The following CDC14A variants were observed in gnomAD, a reference collection of about 807,000 sequenced individuals.
CDC14A encodes cell division cycle 14A.
CDC14A carries 53 observed loss-of-function variants against 74.4 expected under a neutral mutation model. The ratio of observed to expected loss-of-function variants is 0.71; its 90% CI spans 0.57 to 0.89. The LOEUF is 0.89. Among genes scored for constraint, CDC14A ranks in the 40% least tolerant of loss-of-function variants. The probability of loss-of-function intolerance (pLI) is 0.00; values close to 1 mark genes in which losing one functional copy is unlikely to be tolerated. For missense variants in CDC14A, 646 were observed against 713.7 expected, an observed-to-expected ratio of 0.91 and a Z score of 1.08; for synonymous variants, 247 against 258.4, an observed-to-expected ratio of 0.96 and a Z score of 0.43.
intron 10 of CDC14A, among the ~76,000 whole-genome samples, chr1:100,480,185 T>G (rs1669307714): frequency 6.6e-6 from 1 of 152,172 alleles, no homozygotes; most frequent in Non-Finnish European, 1.5e-5. Flanking sequence ...TGGAAACCTC[T>G]ATTCTACTTT....
intron 11 of CDC14A, among the ~76,000 whole-genome samples, chr1:100,493,673 G>A (rs1475522804): frequency 1.3e-5 from 2 of 152,184 alleles, no homozygotes; most frequent in Non-Finnish European, 2.9e-5. Flanking sequence ...CTTGGGCTGC[G>A]TCACTTGCAC....
At chr1:100,484,552 C>T (rs2101361067) in intron 11 of CDC14A, 101 bp downstream of exon 11, 1 of 1,352,406 alleles carries the variant, frequency 7.4e-7, no homozygotes, top group Non-Finnish European at 9.5e-7. Flanking sequence ...CTCTGGATGC[C>T]ACGAGTACCA....
chr1:100,384,089 G>C (rs1359691114), intron 3 of CDC14A, among the ~76,000 whole-genome samples: 2 of 152,110 alleles, frequency 1.3e-5, no homozygotes, highest in East Asian at 3.9e-4. Flanking sequence ...AGTTGCTGTG[G>C]CTTGTGTTTT....
chr1:100,501,733 A>G (rs1204053736), intron 15 of CDC14A, among the ~76,000 whole-genome samples: 1 of 152,228 alleles, frequency 6.6e-6, no homozygotes, highest in East Asian at 1.9e-4. Context: ...TTGTTGTTAT[A>G]AGAAATGACA....
At chr1:100,502,447 ATAGGTTATACCATT>A (rs1644213386) in intron 15 of CDC14A, among the ~76,000 whole-genome samples, 1 of 152,266 alleles carries the variant, frequency 6.6e-6, no homozygotes, top group African/African-American at 2.4e-5. Context: ...CCTAGAAGCA[ATAGGTTATACCATT>A]TAGCTCAGGT....
intron 7 of CDC14A, among the ~76,000 whole-genome samples, chr1:100,454,034 GA>G (rs930012172): frequency 1.9e-4 from 29 of 152,000 alleles, no homozygotes; most frequent in African/African-American, 6.0e-4. Flanking sequence ...TTATAACTGG[GA>G]AAAAAATCTG....
rs1651239175 is a variant in CDC14A, at chr1:100,352,727, G to A, written c.-228G>A. 19 of 1,393,830 alleles carry A rather than the reference G, an allele frequency of 1.4e-5. No individual in the cohort carries two copies. The South Asian group carries it at 2.8e-4, about 21-fold the overall frequency. The allele number at this position is 1,393,830 out of a possible 1,614,324, so 86.3% of individuals were successfully genotyped here. ...AATAGGAGCGGCCACAGCCAGGGGC[G>A]TGAGCGCCCCGCGCGGAGCGAGCTC... is the stretch of plus-strand genomic sequence containing the variant. On this transcript the variant is annotated 5_prime_UTR_variant, in exon 1 of 16. It adds an upstream start codon to the 5' untranslated region. Transcript: ENST00000336454.
At chr1:100,403,501 G>T (rs1299090324) in intron 4 of CDC14A, among the ~76,000 whole-genome samples, 3 of 152,176 alleles carry the variant, frequency 2.0e-5, no homozygotes, top group African/African-American at 7.2e-5. Context: ...AGGCTAGTTT[G>T]CAATTAACAT....
intron 2 of CDC14A, among the ~76,000 whole-genome samples, chr1:100,371,480 C>A (rs1356920733): frequency 6.6e-6 from 1 of 151,970 alleles, no homozygotes; most frequent in African/African-American, 2.4e-5. Context: ...CTTTGATGCC[C>A]AGTTTGTTAA....
intron 12 of CDC14A, 115 bp from the exon 13 acceptor site, chr1:100,495,887 C>T: frequency 1.2e-6 from 1 of 823,104 alleles, no homozygotes; most frequent in South Asian, 1.5e-5. Context: ...TGCAAGGTTT[C>T]TCCCTTTTGC....
intron 7 of CDC14A, among the ~76,000 whole-genome samples, chr1:100,446,732 C>G (rs1480305651): frequency 2.0e-5 from 3 of 152,122 alleles, no homozygotes; most frequent in African/African-American, 4.8e-5. Context: ...GGGTCTCGCT[C>G]TGTCACCCAG....
intron 4 of CDC14A, among the ~76,000 whole-genome samples, chr1:100,416,801 A>G (rs763043452): frequency 7.2e-5 from 11 of 152,200 alleles, no homozygotes; most frequent in Non-Finnish European, 1.5e-4. Context: ...ATTCTTCCCG[A>G]CAAACAACCT....
chr1:100,499,973 A>G (rs979180083), intron 15 of CDC14A, among the ~76,000 whole-genome samples: 11 of 152,182 alleles, frequency 7.2e-5, no homozygotes, highest in African/African-American at 2.7e-4. Flanking sequence ...ACATCTTACC[A>G]ATGAGATCTC....
At chr1:100,396,462 T>C (rs571455707) in intron 4 of CDC14A, among the ~76,000 whole-genome samples, 93 of 152,316 alleles carry the variant, frequency 6.1e-4, no homozygotes, top group African/African-American at 2.2e-3. Context: ...GAAGGTAATA[T>C]ATGGGAAACT....
upstream of CDC14A, chr1:100,352,409 G>T (rs1001830925): frequency 4.1e-6 from 4 of 964,258 alleles, no homozygotes; most frequent in African/African-American, 7.1e-5. Flanking sequence ...AGTGGAGGGG[G>T]CTGAGGGAGG....
At chr1:100,501,487 A>T (rs1394052546) in intron 15 of CDC14A, among the ~76,000 whole-genome samples, 1 of 152,136 alleles carries the variant, frequency 6.6e-6, no homozygotes, top group Non-Finnish European at 1.5e-5. Context: ...TGCAGTACTC[A>T]TGTGTTGTGG....
intron 2 of CDC14A, among the ~76,000 whole-genome samples, chr1:100,354,178 A>G (rs1435650381): frequency 6.6e-6 from 1 of 152,196 alleles, no homozygotes; most frequent in Non-Finnish European, 1.5e-5. Context: ...TTGGCCTGTG[A>G]ATCAGTCACT....
At chr1:100,393,364 C>G (rs1657975895) in intron 4 of CDC14A, 2 of 892,406 alleles carry the variant, frequency 2.2e-6, no homozygotes, top group Non-Finnish European at 3.8e-6. Flanking sequence ...GCTTGATGCT[C>G]TAACTAGGCC....
intron 7 of CDC14A, among the ~76,000 whole-genome samples, chr1:100,454,274 A>G (rs1381688127): frequency 1.3e-5 from 2 of 149,190 alleles, no homozygotes; most frequent in Non-Finnish European, 3.0e-5. Flanking sequence ...AGCTTTTTAT[A>G]TGGATGGTAA....
Sources: gnomAD v4.1 joint callset for allele counts (sites outside exome capture counted in the v4.1 genomes callset) on GRCh38, gnomAD v4.1.1 for gene constraint, MANE v1.5 for transcripts, NCBI Gene and HGNC (gene_info 2026-07-23, HGNC 2026-07-21) for gene names.